Variants in NAALADL2 observed in about 807,000 individuals in gnomAD.
NAALADL2 encodes inactive N-acetylated-alpha-linked acidic dipeptidase-like protein 2.
Under a neutral mutation model 87.2 loss-of-function variants are expected in NAALADL2, and 76 were observed. The ratio of observed to expected loss-of-function variants is 0.87; its 90% CI spans 0.72 to 1.05. NAALADL2 has a LOEUF of 1.05. NAALADL2 is among the 50% of genes least tolerant of loss of function. NAALADL2 has a pLI of 0.00. For synonymous variants in NAALADL2, 354 were observed against 331.0 expected, an observed-to-expected ratio of 1.07 and a Z score of -0.75; for missense variants, 1,089 against 945.8, an observed-to-expected ratio of 1.15 and a Z score of -1.99.
At chr3:174,770,706 G>C (rs893875271) in intron 3 of NAALADL2, among the ~76,000 whole-genome samples, 4 of 152,040 alleles carry the variant, frequency 2.6e-5, no homozygotes, top group African/African-American at 7.2e-5. Context: ...TGGGCTTGGT[G>C]GTGGGCACCT....
intron 13 of NAALADL2, 107 bp downstream of exon 13, chr3:175,755,525 T>C: frequency 1.3e-6 from 1 of 756,114 alleles, no homozygotes; most frequent in Non-Finnish European, 1.9e-6. Flanking sequence ...GTAAAAGAAA[T>C]TATAAAGCAG....
At chr3:174,884,040 C>T (rs1341913237) in intron 1 of NAALADL2, among the ~76,000 whole-genome samples, 4 of 152,072 alleles carry the variant, frequency 2.6e-5, no homozygotes, top group Non-Finnish European at 4.4e-5. Flanking sequence ...TAGGAGGAGC[C>T]CGAAGAGTCC....
At chr3:174,858,337 A>T (rs1434065833), upstream of NAALADL2, among the ~76,000 whole-genome samples, 1 of 151,948 alleles carries the variant, frequency 6.6e-6, no homozygotes. Context: ...AGCTTAAATA[A>T]ATTGCCTTAA....
At chr3:175,320,946 A>G (rs1212397762) in intron 4 of NAALADL2, among the ~76,000 whole-genome samples, 136 of 143,040 alleles carry the variant, frequency 9.5e-4, no homozygotes, top group Admixed American at 1.3e-3. Flanking sequence ...AAACTATTCC[A>G]ATCAATAGAA....
intron 9 of NAALADL2, among the ~76,000 whole-genome samples, chr3:175,544,636 A>T (rs962429463): frequency 1.3e-5 from 2 of 152,166 alleles, no homozygotes; most frequent in African/African-American, 4.8e-5. Flanking sequence ...AACTCAAAAG[A>T]TCAGAGTGGA....
Position 174,650,242 on chromosome 3 carries a change from C to T in NAALADL2, c.-114-87399C>T, listed in dbSNP as rs534103366. Among the ~76,000 whole-genome samples the T allele has an allele frequency of 2.4e-3, 371 of 152,138 alleles. 1 individual carries two copies. Among genetic ancestry groups the T allele is most frequent in the African/African-American group, 8.5e-3 (354 of 41,526 alleles). ...GTGTGTATCTTTGTCATTTAAATTG[C>T]TATGAGGGACATTGAATGTCTATAA... On this transcript the variant is annotated intron_variant, in intron 2 of 3. Transcript: ENST00000434257.
At chr3:175,610,781 C>T (rs1028904520) in intron 10 of NAALADL2, among the ~76,000 whole-genome samples, 2 of 152,014 alleles carry the variant, frequency 1.3e-5, no homozygotes, top group Non-Finnish European at 2.9e-5. Context: ...ATAAGATCCA[C>T]TAATATAATA....
intron 11 of NAALADL2, among the ~76,000 whole-genome samples, chr3:175,736,489 G>A (rs1744519576): frequency 1.3e-5 from 2 of 152,322 alleles, no homozygotes; most frequent in African/African-American, 4.8e-5. Flanking sequence ...CAAAGAGTCT[G>A]TTACAGGTTG....
intron 1 of NAALADL2, among the ~76,000 whole-genome samples, chr3:174,483,666 C>T (rs1265382010): frequency 6.6e-6 from 1 of 152,156 alleles, no homozygotes; most frequent in East Asian, 1.9e-4. Context: ...GATCAGCCTT[C>T]TTTGGCAGCC....
intron 5 of NAALADL2, among the ~76,000 whole-genome samples, chr3:175,341,584 C>T (rs1045756295): frequency 7.2e-5 from 11 of 152,110 alleles, no homozygotes; most frequent in African/African-American, 2.2e-4. Context: ...AACTGACAAA[C>T]TGTTTTCTAT....
intron 2 of NAALADL2, among the ~76,000 whole-genome samples, chr3:174,684,483 A>C (rs999253811): frequency 2.6e-5 from 4 of 152,160 alleles, no homozygotes; most frequent in Admixed American, 2.6e-4. Context: ...GAGTAATTGC[A>C]TGTAATCAGA....
chr3:175,494,184 A>G (rs1419677227), intron 9 of NAALADL2, among the ~76,000 whole-genome samples: 2 of 152,126 alleles, frequency 1.3e-5, no homozygotes, highest in East Asian at 3.8e-4. Flanking sequence ...CATACTATAT[A>G]TAAACAACCT....
At chr3:175,266,494 A>G (rs1210691291) in intron 4 of NAALADL2, among the ~76,000 whole-genome samples, 1 of 151,664 alleles carries the variant, frequency 6.6e-6, no homozygotes, top group Non-Finnish European at 1.5e-5. Flanking sequence ...ATTCTTCAAG[A>G]TTTAGTTCTA....
intron 11 of NAALADL2, among the ~76,000 whole-genome samples, chr3:175,653,202 G>A (rs1028751650): frequency 3.9e-5 from 6 of 152,096 alleles, no homozygotes; most frequent in Middle Eastern, 3.4e-3. Context: ...CCTATATGGA[G>A]GAGATGGAAG....
At chr3:175,060,200 T>C (rs1437989328) in intron 1 of NAALADL2, among the ~76,000 whole-genome samples, 3 of 152,192 alleles carry the variant, frequency 2.0e-5, no homozygotes, top group African/African-American at 7.2e-5. Context: ...GCCTGTCTTT[T>C]CAAGAGAAAG....
intron 5 of NAALADL2, among the ~76,000 whole-genome samples, chr3:175,357,601 C>G (rs1560423263): frequency 6.6e-6 from 1 of 152,142 alleles, no homozygotes; most frequent in Non-Finnish European, 1.5e-5. Flanking sequence ...TTCCATCACT[C>G]ATGTTGACAA....
At chr3:174,790,349 T>A (rs1717309298) in intron 3 of NAALADL2, among the ~76,000 whole-genome samples, 2 of 152,190 alleles carry the variant, frequency 1.3e-5, no homozygotes, top group Admixed American at 1.3e-4. Context: ...AAAAGAATGA[T>A]CTGTCAAATA....
At chr3:174,992,857 A>G (rs2108724328) in intron 1 of NAALADL2, among the ~76,000 whole-genome samples, 1 of 152,294 alleles carries the variant, frequency 6.6e-6, no homozygotes, top group East Asian at 1.9e-4. Context: ...ATATTTTTAA[A>G]CACAGAACTG....
At chr3:175,518,641 T>G (rs1732217973) in intron 9 of NAALADL2, among the ~76,000 whole-genome samples, 2 of 152,106 alleles carry the variant, frequency 1.3e-5, no homozygotes, top group African/African-American at 4.8e-5. Flanking sequence ...CATCACATGG[T>G]GTGGGGGTCA....
Sources: allele counts gnomAD v4.1 joint callset (sites outside exome capture counted in the v4.1 genomes callset), GRCh38; gene constraint gnomAD v4.1.1; transcripts MANE v1.5; gene names NCBI Gene and HGNC (gene_info 2026-07-23, HGNC 2026-07-21).